Variants in RGL1 observed in about 807,000 individuals in gnomAD.
The protein encoded by RGL1 is ral guanine nucleotide dissociation stimulator like 1, also known as ral guanine nucleotide dissociation stimulator-like 1.
A neutral mutation model predicts 95.2 loss-of-function variants in RGL1; 24 were observed. That is an observed-to-expected ratio of 0.25 (90% CI 0.18 to 0.35). RGL1 has a LOEUF of 0.35. RGL1 is among the 10% of genes least tolerant of loss of function. The pLI is 1.00. For missense variants in RGL1, 715 were observed against 936.3 expected (o/e 0.76, Z 3.08); for synonymous variants, 329 against 344.9 (o/e 0.95, Z 0.51).
intron 1 of RGL1, among the ~76,000 whole-genome samples, chr1:183,682,322 C>G (rs1278718475): frequency 6.6e-6 from 1 of 152,144 alleles, no homozygotes; most frequent in African/African-American, 2.4e-5. Context: ...ATTAATTTCC[C>G]TCTACACATT....
At chr1:183,636,422 A>T (rs151116960) in exon 1 of RGL1, 1 of 372,074 alleles carries the variant, frequency 2.7e-6, no homozygotes, top group Non-Finnish European at 4.8e-6. Flanking sequence ...GAAGTCCCCA[A>T]GGACGGAGTC....
intron 2 of RGL1, among the ~76,000 whole-genome samples, chr1:183,760,590 A>AAAAC (rs1421044201): frequency 4.1e-4 from 55 of 133,426 alleles, no homozygotes; most frequent in Admixed American, 6.0e-4. Flanking sequence ...AAAAAAAAAA[A>AAAAC]AAACAAACCT....
At chr1:183,895,690 C>A (rs547831262) in intron 9 of RGL1, among the ~76,000 whole-genome samples, 1 of 152,092 alleles carries the variant, frequency 6.6e-6, no homozygotes, top group Non-Finnish European at 1.5e-5. Flanking sequence ...TGGTGTTGTG[C>A]GACATTGCAG....
chr1:183,666,779 G>A (rs1652069108), intron 1 of RGL1, among the ~76,000 whole-genome samples: 1 of 152,146 alleles, frequency 6.6e-6, no homozygotes, highest in South Asian at 2.1e-4. Context: ...CCAGAATATG[G>A]CCAATTTGGT....
At chr1:183,855,434 A>C (rs1362326583) in intron 3 of RGL1, among the ~76,000 whole-genome samples, 1 of 152,228 alleles carries the variant, frequency 6.6e-6, no homozygotes, top group Non-Finnish European at 1.5e-5. Context: ...ACCTCACTTA[A>C]AAATAATTGA....
chr1:183,846,655 G>A (rs7532796), intron 2 of RGL1, among the ~76,000 whole-genome samples: 2 of 151,942 alleles, frequency 1.3e-5, no homozygotes, highest in African/African-American at 2.4e-5. Context: ...TGAGGCGGGC[G>A]TATCACCTGA....
chr1:183,835,328 T>C (rs1468168318), intron 2 of RGL1, among the ~76,000 whole-genome samples: 9 of 152,288 alleles, frequency 5.9e-5, no homozygotes, highest in African/African-American at 2.2e-4. Flanking sequence ...TTTCCCTTTA[T>C]TTCTGAAAAT....
At chr1:183,741,979 T>C in intron 1 of RGL1, 1 of 574,172 alleles carries the variant, frequency 1.7e-6, no homozygotes, top group Non-Finnish European at 3.0e-6. Flanking sequence ...ATTTAGAATA[T>C]AAAAGTGGCC....
At chr1:183,891,887 C>T (rs75352181) in intron 8 of RGL1, among the ~76,000 whole-genome samples, 190 bp from the exon 9 acceptor site, 4,546 of 151,684 alleles carry the variant, frequency 0.03, 102 homozygotes, top group Non-Finnish European at 0.047. Flanking sequence ...TGGCCAAGTC[C>T]ACCTTAAAAG....
rs770763795 is a variant in RGL1, at chr1:183,724,487, A to C, written c.-32-17639A>C. On this transcript the variant is annotated intron_variant, in intron 1 of 18. Coordinates refer to the RGL1 transcript ENST00000304685. The surrounding 1 kb of genome is among the most constrained non-coding windows in gnomAD (Gnocchi z 4.1). ...GCAACATTCACCACAAGCTGACTGGAGATCCCTTGGGCCTTAAGTGAACAT... is the reference window on the plus strand; with the variant it reads ...GCAACATTCACCACAAGCTGACTGGCGATCCCTTGGGCCTTAAGTGAACAT... 8.5e-5 allele frequency among the ~76,000 whole-genome samples: 13 copies of C among 152,098 alleles called. No individual in the cohort carries two copies. The highest frequency in any genetic ancestry group is 7.4e-5 in the Non-Finnish European group (5 of 68,006).
rs1572322768 is a variant in RGL1, at chr1:183,715,684, G to C, written c.-32-26442G>C. ...TTATCTTCAGATACATATTAGTCTC[G>C]ATTACCCAGAGAAACAGAACCAATT... On this transcript the variant is annotated intron_variant, in intron 1 of 18. Transcript: ENST00000304685. 4.2e-5 allele frequency among the ~76,000 whole-genome samples: 6 copies of C among 143,668 alleles called. No individual in the cohort carries two copies. In the South Asian group the frequency reaches 1.4e-3, roughly 33 times the overall value. 94.3% of individuals were successfully genotyped at this position (143,668 alleles called of 152,430 possible). A position where few individuals can be genotyped will look rare whatever the true frequency, so the allele number is the denominator to read the frequency against.
intron 2 of RGL1, among the ~76,000 whole-genome samples, chr1:183,819,428 A>G (rs188280680): frequency 1.6e-4 from 24 of 152,328 alleles, no homozygotes; most frequent in African/African-American, 4.8e-4. Flanking sequence ...TTACATTTTC[A>G]TTAGTACAAC....
At chr1:183,899,111 T>C (rs2102691682) in intron 10 of RGL1, among the ~76,000 whole-genome samples, 1 of 152,368 alleles carries the variant, frequency 6.6e-6, no homozygotes, top group Non-Finnish European at 1.5e-5. Context: ...TCCAACTTTT[T>C]ATTCTGGAAT....
intron 11 of RGL1, 95 bp from the exon 12 acceptor site, chr1:183,902,473 A>G (rs1668084662): frequency 1.1e-6 from 1 of 907,446 alleles, no homozygotes. Flanking sequence ...TGACTTTATC[A>G]CCCCTTTGAT....
At chr1:183,705,428 CA>C (rs1654851496) in intron 1 of RGL1, among the ~76,000 whole-genome samples, 1 of 152,034 alleles carries the variant, frequency 6.6e-6, no homozygotes, top group Middle Eastern at 3.4e-3. Context: ...AGAGGGTCTA[CA>C]TAGGTGTAGA....
At chr1:183,787,516 T>G (rs1473623431) in intron 2 of RGL1, among the ~76,000 whole-genome samples, 1 of 152,180 alleles carries the variant, frequency 6.6e-6, no homozygotes, top group East Asian at 1.9e-4. Context: ...CAGCCTGTAT[T>G]CCTGTCCCCA....
At chr1:183,678,744 G>C (rs987392170) in intron 1 of RGL1, among the ~76,000 whole-genome samples, 1 of 152,114 alleles carries the variant, frequency 6.6e-6, no homozygotes, top group African/African-American at 2.4e-5. Flanking sequence ...GAAAGAATGA[G>C]TCTATTTCCT....
At chr1:183,767,833 A>C (rs1659061501) in intron 2 of RGL1, among the ~76,000 whole-genome samples, 1 of 152,016 alleles carries the variant, frequency 6.6e-6, no homozygotes, top group African/African-American at 2.4e-5. Context: ...TACACCTGGA[A>C]TCCCAGCTAC....
chr1:183,865,597 G>A (rs1665776786), intron 3 of RGL1, among the ~76,000 whole-genome samples: 1 of 152,200 alleles, frequency 6.6e-6, no homozygotes, highest in South Asian at 2.1e-4. Context: ...GCAGAGCCAT[G>A]TGTCCCTTGC....
Sources: allele counts gnomAD v4.1 joint callset (sites outside exome capture counted in the v4.1 genomes callset), GRCh38; gene constraint gnomAD v4.1.1; non-coding constraint Gnocchi (gnomAD v3.1); transcripts MANE v1.5; gene names NCBI Gene and HGNC (gene_info 2026-07-23, HGNC 2026-07-21).